The following TTC23 variants were observed in gnomAD, a reference collection of about 807,000 sequenced individuals.
TTC23 encodes tetratricopeptide repeat domain 23, also known as tetratricopeptide repeat protein 23.
Under a neutral mutation model 55.1 loss-of-function variants are expected in TTC23, and 58 were observed. That is an observed-to-expected ratio of 1.05 (90% CI 0.85 to 1.31). The LOEUF (loss-of-function observed/expected upper bound fraction) is 1.31. Ranked by LOEUF, TTC23 falls within the 50% of genes most tolerant of loss-of-function variation. The pLI, the probability that TTC23 is intolerant of heterozygous loss-of-function variation, is 0.00. For synonymous variants in TTC23, 203 were observed against 199.9 expected (o/e 1.02, Z -0.13); for missense variants, 516 against 534.4 (o/e 0.97, Z 0.34).
At chr15:99,221,551 TTTCCA>T (rs1374076084) in intron 6 of TTC23, among the ~76,000 whole-genome samples, 185 bp downstream of exon 6, 1 of 152,234 alleles carries the variant, frequency 6.6e-6, no homozygotes, top group Non-Finnish European at 1.5e-5. Context: ...TAAAATATTT[TTTCCA>T]TTTTTCCCCT....
In TTC23 at chr15:99,219,057, A is replaced by C; in HGVS notation, c.305-9T>G. ...TGCTTGCAGTGACAGTCCTGTGGACAAAGAAAAAGAGGTCTCAGTTTCTCT... is the reference window on the plus strand; with the variant it reads ...TGCTTGCAGTGACAGTCCTGTGGACCAAGAAAAAGAGGTCTCAGTTTCTCT... On this transcript the variant is annotated splice_polypyrimidine_tract_variant and intron_variant, in intron 6 of 13. Transcript: ENST00000394132. The C allele has an allele frequency of 6.2e-7, 1 of 1,612,802 alleles. No homozygotes were observed.
intron 12 of TTC23, 24 bp downstream of exon 12, chr15:99,156,124 T>A: frequency 6.2e-7 from 1 of 1,614,150 alleles, no homozygotes; most frequent in Non-Finnish European, 8.5e-7. Context: ...CCTAGTCTCG[T>A]GTTAGTACTG....
At chr15:99,156,732 C>G (rs2070641933) in intron 11 of TTC23, among the ~76,000 whole-genome samples, 1 of 152,154 alleles carries the variant, frequency 6.6e-6, no homozygotes, top group African/African-American at 2.4e-5. Context: ...ATTATAGGAA[C>G]TATAATTCAA....
At position 99,137,056 on chromosome 15, in the gene TTC23, T is replaced by G. The variant is rs2067646262; in HGVS notation, c.*954A>C. Reference sequence around the variant, plus strand: ...CCTGCAGCCTCATGGCCACAGTCTGTGGGACCAGGGGAGGGAGGGGAAGGG... The same window carrying G: ...CCTGCAGCCTCATGGCCACAGTCTGGGGGACCAGGGGAGGGAGGGGAAGGG... On this transcript the variant is annotated 3_prime_UTR_variant, in exon 14 of 14. Coordinates refer to ENST00000394132, the MANE Select transcript of TTC23 (RefSeq NM_001288615.3). The G allele has an allele frequency of 6.6e-6, 1 of 152,322 alleles. No individual in the cohort carries two copies. The highest frequency in any genetic ancestry group is 6.5e-5 in the Admixed American group (1 of 15,282). The allele number at this position is 152,322 out of a possible 1,614,324, so 9.4% of individuals were successfully genotyped here.
At chr15:99,187,649 G>C (rs1444568595) in intron 9 of TTC23, among the ~76,000 whole-genome samples, 1 of 151,722 alleles carries the variant, frequency 6.6e-6, no homozygotes. Context: ...ACAATAAAAA[G>C]ACAAATAACC....
chr15:99,234,553 T>C (rs985009691), intron 4 of TTC23, among the ~76,000 whole-genome samples: 1 of 152,074 alleles, frequency 6.6e-6, no homozygotes, highest in Non-Finnish European at 1.5e-5. Context: ...TTTGTATTTT[T>C]AGTAGAGACA....
chr15:99,245,558 G>A (rs1450802735), intron 1 of TTC23, 48 bp from the exon 2 acceptor site: 1 of 151,086 alleles, frequency 6.6e-6, no homozygotes, highest in African/African-American at 2.4e-5. Flanking sequence ...ATGGGATAGT[G>A]TTGAGAGTCC....
In TTC23 at chr15:99,177,197, G is replaced by A. The variant is rs114964606; in HGVS notation, c.760-2042C>T. ...CTAGCTCTGGACTTTTTATGTTGGG[G>A]CTACTCCAAAATAAGACTGCAGGTA... is the stretch of plus-strand genomic sequence containing the variant. On this transcript the variant is annotated intron_variant, in intron 9 of 13. Transcript: ENST00000394132. Among the ~76,000 whole-genome samples, 932 of 152,310 alleles carry A rather than the reference G, an allele frequency of 6.1e-3. 9 individuals are homozygous for A. The highest frequency in any genetic ancestry group is 0.01 in the Middle Eastern group (3 of 294).
At chr15:99,248,882 G>C (rs1364337890) in intron 1 of TTC23, among the ~76,000 whole-genome samples, 3 of 151,976 alleles carry the variant, frequency 2.0e-5, no homozygotes, top group South Asian at 4.1e-4. Flanking sequence ...TTCTGCTTCA[G>C]GTATCTGTAG....
At chr15:99,187,467 AACAAAAC>A (rs1305057894) in intron 9 of TTC23, among the ~76,000 whole-genome samples, 7 of 146,664 alleles carry the variant, frequency 4.8e-5, no homozygotes, top group Admixed American at 2.0e-4. Context: ...AAAAAAAAAA[AACAAAAC>A]AAAAGAAACC....
chr15:99,163,417 C>T (rs974209010), intron 10 of TTC23, among the ~76,000 whole-genome samples: 3 of 152,164 alleles, frequency 2.0e-5, no homozygotes, highest in African/African-American at 2.4e-5. Context: ...ATAACAGGAA[C>T]GAACTTCAGA....
chr15:99,206,857 T>C (rs2076670555), intron 8 of TTC23, among the ~76,000 whole-genome samples: 3 of 152,272 alleles, frequency 2.0e-5, no homozygotes, highest in South Asian at 2.1e-4. Context: ...AGGTTTAGTT[T>C]GCTCTTGATT....
chr15:99,212,358 A>G (rs1241246300), intron 8 of TTC23, among the ~76,000 whole-genome samples: 2 of 152,206 alleles, frequency 1.3e-5, no homozygotes, highest in African/African-American at 4.8e-5. Flanking sequence ...GCATCTATCA[A>G]TAACCAGGAT....
At chr15:99,199,600 CTT>C (rs141964881) in intron 9 of TTC23, among the ~76,000 whole-genome samples, 6,630 of 151,810 alleles carry the variant, frequency 0.044, 206 homozygotes, top group Non-Finnish European at 0.063. Context: ...CAGGTGAAGA[CTT>C]TAGAATGTAG....
chr15:99,248,937 A>G (rs2080495477), intron 1 of TTC23, among the ~76,000 whole-genome samples: 1 of 152,120 alleles, frequency 6.6e-6, no homozygotes, highest in Non-Finnish European at 1.5e-5. Flanking sequence ...GGAATCCCTA[A>G]TCCACAAATA....
In TTC23 at chr15:99,182,945, T is replaced by G. The variant is rs538364238; in HGVS notation, c.760-7790A>C. ...GTGAAATAGTATGAAAATGGACTAA[T>G]GCAGTAAATTGGTACCAGCAGAATG... On this transcript the variant is annotated intron_variant, in intron 9 of 13. Coordinates refer to ENST00000394132, the MANE Select transcript of TTC23 (RefSeq NM_001288615.3). Among the ~76,000 whole-genome samples the G allele has an allele frequency of 3.3e-5, 5 of 152,264 alleles. No homozygotes were observed. The South Asian group carries it at 1.0e-3, about 32-fold the overall frequency.
chr15:99,187,452 C>CAAAAAAAAAAAAAAAAGAAAAAAA (rs66568931), intron 9 of TTC23, among the ~76,000 whole-genome samples: 2 of 44,476 alleles, frequency 4.5e-5, no homozygotes, highest in Non-Finnish European at 8.0e-5. Flanking sequence ...AAAGCACAAG[C>CAAAAAAAAAAAAAAAAGAAAAAAA]AAAAAAAAAA....
chr15:99,194,009 C>CAA (rs111912962), intron 9 of TTC23, among the ~76,000 whole-genome samples: 1 of 129,250 alleles, frequency 7.7e-6, no homozygotes, highest in African/African-American at 2.9e-5. Flanking sequence ...GACTCTATCT[C>CAA]AAAAAAAAAA....
In TTC23 at chr15:99,200,100, A is replaced by C. The variant is rs767402354; in HGVS notation, c.582-4T>G. 35 of 1,569,248 alleles carry C rather than the reference A, an allele frequency of 2.2e-5. No individual in the cohort carries two copies. In the Admixed American group the frequency reaches 3.9e-4, roughly 18 times the overall value. On this transcript the variant is annotated splice_polypyrimidine_tract_variant and splice_region_variant and intron_variant, in intron 8 of 13. Transcript: ENST00000394132. ...CTTCTTCTGACCTTGATACACCCTA[A>C]AAAAATCAAAGGAATTATTTTATTT...
Sources: allele counts gnomAD v4.1 joint callset (sites outside exome capture counted in the v4.1 genomes callset), GRCh38; gene constraint gnomAD v4.1.1; transcripts MANE v1.5; gene names NCBI Gene and HGNC (gene_info 2026-07-23, HGNC 2026-07-21).